The following TMPRSS15 variants were observed in gnomAD, a reference collection of about 807,000 sequenced individuals.
TMPRSS15 encodes enteropeptidase.
A neutral mutation model predicts 125.3 loss-of-function variants in TMPRSS15; 128 were observed. The ratio of observed to expected loss-of-function variants is 1.02; its 90% CI spans 0.89 to 1.18. The LOEUF (loss-of-function observed/expected upper bound fraction) is 1.18, where lower values mean the gene tolerates loss of function less well. Among genes scored for constraint, TMPRSS15 ranks in the 50% most tolerant of loss-of-function variants. The pLI, the probability that TMPRSS15 is intolerant of heterozygous loss-of-function variation, is 0.00. For missense variants in TMPRSS15, 1,283 were observed against 1,212.7 expected (o/e 1.06, Z -0.86); for synonymous variants, 446 against 423.2 (o/e 1.05, Z -0.66).
chr21:18,353,101 G>A, intron 9 of TMPRSS15, 49 bp from the exon 10 acceptor site: 1 of 1,507,794 alleles, frequency 6.6e-7, no homozygotes, highest in Non-Finnish European at 9.2e-7. Context: ...TCCATAATGT[G>A]AGTAGTTATA....
At position 18,322,432 on chromosome 21, in the gene TMPRSS15, T is replaced by C. The variant is rs563475340; in HGVS notation, c.1921+4000A>G. 8.1e-4 allele frequency among the ~76,000 whole-genome samples: 124 copies of C among 152,310 alleles called. 1 individual carries two copies. Among genetic ancestry groups the C allele is most frequent in the African/African-American group, 2.9e-3 (121 of 41,560 alleles). ...CAAAGAGATATCTGCTCATCTATGT[T>C]TACTGCAGCACTATTCTTAATAGCC... is the stretch of plus-strand genomic sequence containing the variant. On this transcript the variant is annotated intron_variant, in intron 16 of 24. Coordinates refer to ENST00000284885, the MANE Select transcript of TMPRSS15 (RefSeq NM_002772.3).
At chr21:18,331,947 T>C (rs2075349318) in intron 14 of TMPRSS15, 137 bp downstream of exon 14, 2 of 733,590 alleles carry the variant, frequency 2.7e-6, no homozygotes, top group Admixed American at 2.0e-5. Context: ...TTTGTTGTTA[T>C]ATTAAGCAAT....
intron 1 of TMPRSS15, among the ~76,000 whole-genome samples, chr21:18,451,940 C>A (rs937968904): frequency 1.3e-5 from 2 of 152,128 alleles, no homozygotes; most frequent in Admixed American, 6.5e-5. Context: ...TATGCAAATG[C>A]AAACTTATGC....
At chr21:18,295,107 C>T (rs919630786) in intron 19 of TMPRSS15, among the ~76,000 whole-genome samples, 2 of 152,254 alleles carry the variant, frequency 1.3e-5, no homozygotes, top group Middle Eastern at 3.4e-3. Flanking sequence ...ACAACTATTC[C>T]GTGCCCAACA....
intron 16 of TMPRSS15, among the ~76,000 whole-genome samples, chr21:18,320,799 A>G (rs1354741006): frequency 3.3e-5 from 5 of 152,226 alleles, no homozygotes; most frequent in African/African-American, 1.2e-4. Context: ...GCAACATACA[A>G]TAGTTCAGCT....
Position 18,398,190 on chromosome 21 carries a change from G to A in TMPRSS15, c.276+9C>T. On this transcript the variant is annotated intron_variant, in intron 2 of 24. Coordinates refer to ENST00000284885, the MANE Select transcript of TMPRSS15 (RefSeq NM_002772.3). ...TTATAAAATTTGAAACCAGCTGTCAGTCTCCTACCATTTGCTGAAGGTCAA... is the reference window on the plus strand; with the variant it reads ...TTATAAAATTTGAAACCAGCTGTCAATCTCCTACCATTTGCTGAAGGTCAA... The A allele has an allele frequency of 1.9e-6, 3 of 1,613,686 alleles. No individual in the cohort carries two copies. Among genetic ancestry groups the A allele is most frequent in the Non-Finnish European group, 2.5e-6 (3 of 1,179,694 alleles).
chr21:18,350,158 T>A (rs140111245), intron 10 of TMPRSS15, among the ~76,000 whole-genome samples: 170 of 152,176 alleles, frequency 1.1e-3, no homozygotes, highest in African/African-American at 3.4e-3. Context: ...GTTGGGGTGA[T>A]TATCATGTAG....
intron 1 of TMPRSS15, among the ~76,000 whole-genome samples, chr21:18,412,142 C>T (rs1428844242): frequency 6.6e-6 from 1 of 152,178 alleles, no homozygotes; most frequent in East Asian, 1.9e-4. Flanking sequence ...CCAGCCACAT[C>T]TGTAGCTCAG....
Position 18,343,449 on chromosome 21 carries a change from T to C in TMPRSS15, c.1428+57A>G, listed in dbSNP as rs540562979. ...AATTTTTTCACTGTATCATTCTAAA[T>C]ATAATTGTTCCACCACAAAAAGGAT... On this transcript the variant is annotated intron_variant, in intron 12 of 24. Coordinates refer to ENST00000284885, the MANE Select transcript of TMPRSS15 (RefSeq NM_002772.3). 1,340 of 1,450,514 alleles carry C rather than the reference T, an allele frequency of 9.2e-4. 2 individuals carry two copies. Among genetic ancestry groups the C allele is most frequent in the Non-Finnish European group, 1.2e-3 (1,244 of 1,043,928 alleles). The allele number at this position is 1,450,514 out of a possible 1,614,324, so 89.9% of individuals were successfully genotyped here.
At chr21:18,480,193 T>C (rs1460467081) in intron 1 of TMPRSS15, among the ~76,000 whole-genome samples, 1 of 151,758 alleles carries the variant, frequency 6.6e-6, no homozygotes, top group Non-Finnish European at 1.5e-5. Context: ...AATATTTCTT[T>C]CAAATATCTG....
intron 1 of TMPRSS15, among the ~76,000 whole-genome samples, chr21:18,434,878 T>A (rs1323093032): frequency 6.7e-6 from 1 of 150,274 alleles, no homozygotes; most frequent in African/African-American, 2.4e-5. Flanking sequence ...TAATTATAAT[T>A]TGATTGGACA....
rs1195166130 is a variant in TMPRSS15, at chr21:18,329,269, T to C, written c.1680A>G (p.Lys560=). ...GAAAATGAAGTTGTATATTCTTTCC[T>C]TTTTGTGCATTTAAAATCCAAACAC... ...AFCVWILNAQ[K]GKNIQLHFQE... is the part of the protein sequence containing the mutation. Residue 560 remains lysine, a synonymous_variant, in exon 15 of 25, where the codon AAA becomes AAG. Transcript: ENST00000284885. 2 of 1,610,996 alleles carry C rather than the reference T, an allele frequency of 1.2e-6. No homozygotes were observed. The highest frequency in any genetic ancestry group is 2.2e-5 in the East Asian group (1 of 44,676).
intron 1 of TMPRSS15, among the ~76,000 whole-genome samples, chr21:18,428,415 A>G (rs1268320964): frequency 6.6e-6 from 1 of 152,198 alleles, no homozygotes; most frequent in Non-Finnish European, 1.5e-5. Context: ...AATGTTAATC[A>G]CCAAGACAAT....
upstream of TMPRSS15, among the ~76,000 whole-genome samples, chr21:18,408,629 T>C (rs2076158395): frequency 6.6e-6 from 1 of 152,120 alleles, no homozygotes; most frequent in South Asian, 2.1e-4. Context: ...TGAGATCTAA[T>C]TGGCAAATTC....
At chr21:18,361,349 G>A (rs563178186) in intron 7 of TMPRSS15, among the ~76,000 whole-genome samples, 1 of 152,196 alleles carries the variant, frequency 6.6e-6, no homozygotes, top group African/African-American at 2.4e-5. Context: ...GTGTGTACGG[G>A]AGAAAACATC....
chr21:18,308,255 T>G (rs1484963717), intron 18 of TMPRSS15, among the ~76,000 whole-genome samples: 11 of 152,142 alleles, frequency 7.2e-5, no homozygotes, highest in Admixed American at 7.2e-4. Context: ...TGGGTTTTGT[T>G]GACTCTTTAT....
chr21:18,405,093 T>A (rs967754453), upstream of TMPRSS15, among the ~76,000 whole-genome samples: 1 of 152,262 alleles, frequency 6.6e-6, no homozygotes, highest in Admixed American at 6.5e-5. Context: ...GTTTTCTTTG[T>A]ATGGCTAGTG....
intron 7 of TMPRSS15, 150 bp downstream of exon 7, chr21:18,364,990 T>G (rs994661867): frequency 1.5e-6 from 1 of 670,660 alleles, no homozygotes; most frequent in Non-Finnish European, 2.6e-6. Context: ...AATGATAGTA[T>G]AGTTTTTTGT....
intron 18 of TMPRSS15, among the ~76,000 whole-genome samples, chr21:18,299,325 C>T (rs1257493401): frequency 6.6e-6 from 1 of 152,190 alleles, no homozygotes; most frequent in Admixed American, 6.5e-5. Flanking sequence ...AGATGCAGAA[C>T]ACTTGTATTT....
Sources: gnomAD v4.1 joint callset for allele counts (sites outside exome capture counted in the v4.1 genomes callset) on GRCh38, gnomAD v4.1.1 for gene constraint, MANE v1.5 for transcripts, NCBI Gene and HGNC (gene_info 2026-07-23, HGNC 2026-07-21) for gene names.